The following NEK5 variants were observed in gnomAD, a reference collection of about 807,000 sequenced individuals.
NEK5 encodes the protein serine/threonine-protein kinase Nek5.
A neutral mutation model predicts 109.2 loss-of-function variants in NEK5; 88 were observed. The ratio of observed to expected loss-of-function variants is 0.81; its 90% CI spans 0.68 to 0.96. NEK5 has a LOEUF of 0.96. NEK5 is among the 40% of genes least tolerant of loss of function. NEK5 has a pLI of 0.00. For synonymous variants in NEK5, 283 were observed against 299.9 expected, an observed-to-expected ratio of 0.94 and a Z score of 0.58; for missense variants, 834 against 920.7, an observed-to-expected ratio of 0.91 and a Z score of 1.22.
At chr13:52,119,613 C>T (rs1225908186) in intron 3 of NEK5, among the ~76,000 whole-genome samples, 198 bp from the exon 4 acceptor site, 1 of 152,126 alleles carries the variant, frequency 6.6e-6, no homozygotes, top group African/African-American at 2.4e-5. Context: ...TTGTTGACAA[C>T]CATCATCAAG....
rs572162170 is a variant in NEK5, at chr13:52,087,285, G to A, written c.1392+53C>T. The stretch of plus-strand genomic sequence containing the variant: ...AGTAACTCCCTATTACAGTACAAAA[G>A]ACAGTAATACAAAGAAATACAAGGG... On this transcript the variant is annotated intron_variant, in intron 15 of 23. Coordinates refer to ENST00000684899, the MANE Select transcript of NEK5 (RefSeq NM_001365552.1). 209 of 905,170 alleles carry A rather than the reference G, an allele frequency of 2.3e-4. No homozygotes were observed. In the South Asian group the frequency reaches 2.8e-3, roughly 12 times the overall value. 56.1% of individuals were successfully genotyped at this position (905,170 alleles called of 1,614,324 possible).
chr13:52,042,519 T>C (rs1403779021), intron 23 of NEK5, among the ~76,000 whole-genome samples: 1 of 151,808 alleles, frequency 6.6e-6, no homozygotes, highest in South Asian at 2.1e-4. Context: ...ACAATGTTGA[T>C]AATTGTTGAA....
chr13:52,122,906 C>T (rs184756496), intron 3 of NEK5, among the ~76,000 whole-genome samples: 1,746 of 152,246 alleles, frequency 0.011, 19 homozygotes, highest in Non-Finnish European at 0.02. Flanking sequence ...TTTTTATTTT[C>T]CTCTAAATGG....
At chr13:52,065,037 T>C (rs1295179376) in intron 21 of NEK5, 1 of 233,624 alleles carries the variant, frequency 4.3e-6, no homozygotes, top group Non-Finnish European at 8.3e-6. Flanking sequence ...TGTTCACTTG[T>C]TTATCTGCTG....
In NEK5 at chr13:52,060,400, G is replaced by C. The variant is rs573499183; in HGVS notation, c.2110+1419C>G. On this transcript the variant is annotated intron_variant, in intron 22 of 23. Transcript: ENST00000684899. ...ACAAAGTCCCACTCTTGTCCCCCAG[G>C]CTGGAGTGCAATGGCGCCATCTCGG... Among the ~76,000 whole-genome samples the C allele has an allele frequency of 3.9e-5, 6 of 152,148 alleles. No homozygotes were observed. The South Asian group carries it at 1.2e-3, about 32-fold the overall frequency.
Position 52,093,080 on chromosome 13 carries a change from C to T in NEK5, c.1182G>A (p.Thr394=), listed in dbSNP as rs757402487. ...ATTGACTTGGGGATGGACCATGCCT[C>T]GTTTCCTGACCGTAATCCTCAACTC... ...NTGVEDYGQE[T]RHGPSPSQWP... Residue 394 remains threonine, a synonymous_variant, in exon 13 of 24, where the codon ACG becomes ACA. Transcript: ENST00000684899. 6 of 1,613,228 alleles carry T rather than the reference C, an allele frequency of 3.7e-6. No homozygotes were observed. The highest frequency in any genetic ancestry group is 3.3e-5 in the South Asian group (3 of 90,972).
At chr13:52,045,494 G>A (rs1391937429) in intron 23 of NEK5, among the ~76,000 whole-genome samples, 3 of 151,064 alleles carry the variant, frequency 2.0e-5, no homozygotes, top group East Asian at 4.0e-4. Flanking sequence ...GGCCGAGCAC[G>A]GTGGCGCACG....
rs571223109 is a variant in NEK5, at chr13:52,101,300, T to C, written c.892+633A>G. 7.9e-5 allele frequency among the ~76,000 whole-genome samples: 12 copies of C among 151,952 alleles called. No individual in the cohort carries two copies. The South Asian group carries it at 2.5e-3, about 32-fold the overall frequency. ...CTGTAGTCCCAGCTACTCGGGAGGC[T>C]GAGGCAGGAGAATGGCATGAACCCG... On this transcript the variant is annotated intron_variant, in intron 11 of 23. Transcript: ENST00000684899.
chr13:52,067,910 T>C (rs980573650), intron 20 of NEK5, among the ~76,000 whole-genome samples: 23 of 152,076 alleles, frequency 1.5e-4, no homozygotes, highest in African/African-American at 5.6e-4. Context: ...CAGGCTAGTC[T>C]CGAACTCCTG....
chr13:52,063,762 A>G (rs7997152), intron 21 of NEK5, among the ~76,000 whole-genome samples: 147,837 of 148,150 alleles, frequency 1, 73,762 homozygotes, highest in South Asian at 1. Flanking sequence ...CTGCCCGGCC[A>G]CCCCATCTGA....
intron 3 of NEK5, among the ~76,000 whole-genome samples, chr13:52,123,763 A>G (rs925442629): frequency 6.6e-5 from 10 of 151,772 alleles, no homozygotes; most frequent in African/African-American, 2.2e-4. Context: ...GTTCCAATAA[A>G]AGTTATGCAA....
intron 9 of NEK5, 134 bp from the exon 10 acceptor site, chr13:52,102,426 A>G: frequency 1.4e-6 from 1 of 717,484 alleles, no homozygotes; most frequent in African/African-American, 1.8e-5. Context: ...CACTAGGGTC[A>G]CCTGTAATCC....
chr13:52,062,785 G>A (rs944114251), intron 21 of NEK5, among the ~76,000 whole-genome samples: 1 of 152,120 alleles, frequency 6.6e-6, no homozygotes, highest in South Asian at 2.1e-4. Flanking sequence ...AATTTAGGTA[G>A]AAAACATAAT....
At chr13:52,095,226 C>T (rs189481431) in intron 12 of NEK5, among the ~76,000 whole-genome samples, 1 of 152,302 alleles carries the variant, frequency 6.6e-6, no homozygotes, top group Admixed American at 6.5e-5. Context: ...TGAGCCACTG[C>T]ACCTGCCTAT....
At chr13:52,080,315 G>C (rs1215048706) in intron 17 of NEK5, among the ~76,000 whole-genome samples, 2 of 150,270 alleles carry the variant, frequency 1.3e-5, no homozygotes, top group Non-Finnish European at 3.0e-5. Flanking sequence ...CGGGAGGTGA[G>C]GGGCGCCTCT....
At chr13:52,090,897 G>A (rs1356615521) in intron 13 of NEK5, among the ~76,000 whole-genome samples, 1 of 152,064 alleles carries the variant, frequency 6.6e-6, no homozygotes, top group African/African-American at 2.4e-5. Context: ...GTCGTGGCAG[G>A]CGCCTGTAGT....
At chr13:52,089,386 T>C in intron 13 of NEK5, 73 bp from the exon 14 acceptor site, 1 of 936,202 alleles carries the variant, frequency 1.1e-6, no homozygotes, top group Non-Finnish European at 1.7e-6. Flanking sequence ...CGAGTAATTT[T>C]CAGTTTAGTA....
chr13:52,065,644 C>A, intron 20 of NEK5, 35 bp from the exon 21 acceptor site: 2 of 1,496,042 alleles, frequency 1.3e-6, no homozygotes, highest in Non-Finnish European at 1.9e-6. Flanking sequence ...AATTCGAAAG[C>A]AGTCAAAGTG....
chr13:52,052,107 G>A (rs994822518), intron 22 of NEK5, among the ~76,000 whole-genome samples: 3 of 36,872 alleles, frequency 8.1e-5, no homozygotes, highest in Admixed American at 5.1e-4. Context: ...CCCCACCCCC[G>A]CCCTGCTTCA....
Sources: gnomAD v4.1 joint callset for allele counts (sites outside exome capture counted in the v4.1 genomes callset) on GRCh38, gnomAD v4.1.1 for gene constraint, MANE v1.5 for transcripts, NCBI Gene and HGNC (gene_info 2026-07-23, HGNC 2026-07-21) for gene names.